The following DOCK3 variants were observed in gnomAD, a reference collection of about 807,000 sequenced individuals.
DOCK3 encodes dedicator of cytokinesis protein 3.
In DOCK3, 60 loss-of-function variants were observed where a neutral mutation model predicts 265.6. The ratio of observed to expected loss-of-function variants is 0.23; its 90% CI spans 0.18 to 0.28. The LOEUF (loss-of-function observed/expected upper bound fraction) is 0.28. Ranked by LOEUF, DOCK3 falls within the 10% of genes least tolerant of loss-of-function variation. DOCK3 has a pLI of 1.00. For missense variants in DOCK3, 1,981 were observed against 2,594.3 expected (o/e 0.76, Z 5.14); for synonymous variants, 881 against 938.0 (o/e 0.94, Z 1.11).
chr3:51,210,381 A>G (rs1390083365), intron 13 of DOCK3, among the ~76,000 whole-genome samples: 1 of 152,220 alleles, frequency 6.6e-6, no homozygotes, highest in Non-Finnish European at 1.5e-5. Context: ...GGCTGTAGTG[A>G]GAGGTGGTCT....
chr3:51,012,668 C>G (rs565372159), intron 5 of DOCK3, among the ~76,000 whole-genome samples: 1 of 152,012 alleles, frequency 6.6e-6, no homozygotes, highest in Non-Finnish European at 1.5e-5. Context: ...ACCCACTGTC[C>G]GATAAGCCCC....
Position 51,090,282 on chromosome 3 carries a change from A to C in DOCK3, c.644A>C (p.His215Pro). The change falls in exon 9 of 53, where the codon CAT (histidine) becomes CCT (proline). Residue 215 changes from histidine (H) to proline (P), a missense_variant. By Grantham distance (77) the His-to-Pro change is moderately conservative. This residue lies in a region of DOCK3 where 456 missense variants were observed against 539.0 expected (regional missense o/e 0.85). Coordinates refer to ENST00000266037, the MANE Select transcript of DOCK3 (RefSeq NM_004947.5). ...GAAACATGTCGGATGCCAGTGCCAC[A>C]TCACTTCTTCCTCAGCCTGAAGAGT... is the stretch of plus-strand genomic sequence containing the variant. ...HGETCRMPVP[H>P]HFFLSLKSFT... 6.2e-7 allele frequency: 1 copy of C among 1,600,280 alleles called. No homozygotes were observed. Among genetic ancestry groups the C allele is most frequent in the Non-Finnish European group, 8.5e-7 (1 of 1,172,976 alleles).
chr3:51,118,162 T>G (rs921103349), intron 9 of DOCK3, among the ~76,000 whole-genome samples: 2 of 152,236 alleles, frequency 1.3e-5, no homozygotes, highest in African/African-American at 4.8e-5. Context: ...ATTGTATCTT[T>G]GTTCTCATTG....
In DOCK3 at chr3:51,330,210, C is replaced by T. The variant is rs759079454; in HGVS notation, c.3475C>T (p.Leu1159Phe). 3 of 1,598,154 alleles carry T rather than the reference C, an allele frequency of 1.9e-6. No individual in the cohort carries two copies. The highest frequency in any genetic ancestry group is 2.6e-6 in the Non-Finnish European group (3 of 1,172,442). ...EGKGDESYRE[L>F]FSLLTQLFGP... ...GAAAGGTGACGAGAGCTACAGGGAG[C>T]TCTTCAGCCTACTGTAAGCTGCTCC... The change falls in exon 33 of 53, where the codon CTC becomes TTC. Residue 1159 changes from leucine (L) to phenylalanine (F), a missense_variant. Transcript: ENST00000266037.
intron 12 of DOCK3, among the ~76,000 whole-genome samples, chr3:51,206,157 A>T (rs1021102868): frequency 1.3e-5 from 2 of 152,216 alleles, no homozygotes; most frequent in Non-Finnish European, 2.9e-5. Context: ...CATAATGCAG[A>T]ATGTTTTCCT....
intron 1 of DOCK3, among the ~76,000 whole-genome samples, chr3:50,698,516 G>GGTTTTTTTTTTTT (rs2035792007): frequency 4.0e-4 from 5 of 12,408 alleles, no homozygotes; most frequent in Admixed American, 7.6e-4. Flanking sequence ...GTATGTTTTT[G>GGTTTTTTTTTTTT]GTTTTTTTTT....
intron 9 of DOCK3, among the ~76,000 whole-genome samples, chr3:51,145,863 A>G (rs953015342): frequency 2.0e-5 from 3 of 152,168 alleles, no homozygotes; most frequent in Non-Finnish European, 1.5e-5. Flanking sequence ...AAGCTGTTCT[A>G]CCTTAGATCA....
intron 2 of DOCK3, among the ~76,000 whole-genome samples, chr3:50,784,932 A>T (rs1321503271): frequency 6.6e-6 from 1 of 152,184 alleles, no homozygotes; most frequent in Non-Finnish European, 1.5e-5. Flanking sequence ...CAAGGCGGGC[A>T]GATCACCTGA....
At chr3:51,343,211 G>A (rs1275230716) in intron 38 of DOCK3, among the ~76,000 whole-genome samples, 3 of 152,198 alleles carry the variant, frequency 2.0e-5, no homozygotes, top group Admixed American at 6.5e-5. Flanking sequence ...AGGAAAGAAA[G>A]GAGGAGCAGG....
chr3:51,196,159 C>T (rs2088283595), intron 12 of DOCK3, among the ~76,000 whole-genome samples: 1 of 150,760 alleles, frequency 6.6e-6, no homozygotes, highest in Admixed American at 6.6e-5. Context: ...TGTTCTCAAA[C>T]TCCTGGACTC....
chr3:51,280,057 C>A (rs1219759893), intron 26 of DOCK3, 49 bp from the exon 27 acceptor site: 1 of 1,508,988 alleles, frequency 6.6e-7, no homozygotes, highest in East Asian at 2.3e-5. Context: ...TGGGGGAACA[C>A]AGCCCTTGCA....
At chr3:51,281,135 A>C (rs2109001877) in intron 27 of DOCK3, among the ~76,000 whole-genome samples, 1 of 152,108 alleles carries the variant, frequency 6.6e-6, no homozygotes, top group East Asian at 1.9e-4. Context: ...GTGGTGAGCC[A>C]AGACTGTCCT....
intron 9 of DOCK3, among the ~76,000 whole-genome samples, chr3:51,125,077 A>C (rs773135191): frequency 6.6e-6 from 1 of 152,000 alleles, no homozygotes; most frequent in Non-Finnish European, 1.5e-5. Context: ...AGCCGAGATC[A>C]CGCCACTGCA....
At chr3:51,320,983 T>A (rs2083687470) in intron 32 of DOCK3, among the ~76,000 whole-genome samples, 3 of 152,110 alleles carry the variant, frequency 2.0e-5, no homozygotes, top group Admixed American at 2.0e-4. Context: ...CTGCTAAGGG[T>A]CAGACTGCCT....
chr3:50,893,782 G>C (rs1277131385), intron 4 of DOCK3, among the ~76,000 whole-genome samples: 1 of 151,856 alleles, frequency 6.6e-6, no homozygotes, highest in African/African-American at 2.4e-5. Flanking sequence ...ATTGATCCTT[G>C]AAGTCCAAAC....
intron 2 of DOCK3, among the ~76,000 whole-genome samples, chr3:50,782,965 ATTTTT>A (rs34337890): frequency 7.5e-6 from 1 of 133,254 alleles, no homozygotes. Context: ...GAATGCCATG[ATTTTT>A]TTTTTTTTTT....
chr3:51,158,544 T>C (rs1259698599), intron 10 of DOCK3, among the ~76,000 whole-genome samples: 2 of 152,106 alleles, frequency 1.3e-5, no homozygotes, highest in African/African-American at 2.4e-5. Context: ...TCTTGTTTTT[T>C]AAAGAAAAGG....
At chr3:51,248,317 G>C (rs1227569357) in intron 22 of DOCK3, among the ~76,000 whole-genome samples, 1 of 152,222 alleles carries the variant, frequency 6.6e-6, no homozygotes, top group Non-Finnish European at 1.5e-5. Flanking sequence ...CTCAGCCTGC[G>C]GAGTGCCTGC....
At chr3:51,029,758 A>G (rs2079971624) in intron 5 of DOCK3, among the ~76,000 whole-genome samples, 2 of 152,160 alleles carry the variant, frequency 1.3e-5, no homozygotes, top group Admixed American at 6.5e-5. Context: ...GTTGTGGGGT[A>G]TGTCTGCTGG....
Sources: gnomAD v4.1 joint callset for allele counts (sites outside exome capture counted in the v4.1 genomes callset) on GRCh38, gnomAD v4.1.1 for gene constraint, gnomAD v4.1.1 regional missense constraint, MANE v1.5 for transcripts, NCBI Gene and HGNC (gene_info 2026-07-23, HGNC 2026-07-21) for gene names.